PDE8A: variants seen among roughly 807,000 people sequenced by gnomAD.
The protein encoded by PDE8A is high affinity cAMP-specific and IBMX-insensitive 3',5'-cyclic phosphodiesterase 8A.
PDE8A carries 59 observed loss-of-function variants against 105.0 expected under a neutral mutation model. The observed-to-expected ratio is 0.56, with a 90% confidence interval of 0.46 to 0.70. The LOEUF is 0.70. Among genes scored for constraint, PDE8A ranks in the 30% least tolerant of loss-of-function variants. The probability of loss-of-function intolerance (pLI) is 0.00; values close to 1 mark genes in which losing one functional copy is unlikely to be tolerated. For missense variants in PDE8A, 1,014 were observed against 1,045.9 expected (o/e 0.97, Z 0.42); for synonymous variants, 355 against 371.9 (o/e 0.95, Z 0.52).
intron 13 of PDE8A, 55 bp from the exon 14 acceptor site, chr15:85,113,818 C>A: frequency 1.5e-6 from 2 of 1,369,720 alleles, no homozygotes; most frequent in Non-Finnish European, 2.1e-6. Context: ...CCATGCCTGG[C>A]TCTCCCACTG....
At chr15:85,060,006 C>A (rs979967185) in intron 1 of PDE8A, among the ~76,000 whole-genome samples, 1 of 152,060 alleles carries the variant, frequency 6.6e-6, no homozygotes, top group South Asian at 2.1e-4. Flanking sequence ...GGACCCTGTC[C>A]CTAAAAATAA....
At chr15:84,990,378 C>T (rs1422297045) in intron 1 of PDE8A, among the ~76,000 whole-genome samples, 1 of 152,246 alleles carries the variant, frequency 6.6e-6, no homozygotes, top group Non-Finnish European at 1.5e-5. Context: ...TTCTATTGTG[C>T]TCCCTTTCCA....
rs978719635 is a variant in PDE8A at position 85,085,911 on chromosome 15, C to G, written c.635+2267C>G. Among the ~76,000 whole-genome samples, 10 of 148,948 alleles carry G rather than the reference C, an allele frequency of 6.7e-5. No individual in the cohort carries two copies. The East Asian group carries it at 2.0e-3, about 30-fold the overall frequency. On this transcript the variant is annotated intron_variant, in intron 6 of 21. Transcript: ENST00000394553. ...CCTGTCATCCCAGCTACTTGGGAGG[C>G]TGAGGCAGGATAATCACTGGAACCC...
intron 7 of PDE8A, 60 bp downstream of exon 7, chr15:85,089,476 G>GGATT: frequency 1.1e-6 from 1 of 883,420 alleles, no homozygotes; most frequent in Non-Finnish European, 1.8e-6. Flanking sequence ...CCAACTTTTA[G>GGATT]GATTGAACCT....
At chr15:85,089,562 C>A (rs957975622) in intron 7 of PDE8A, 146 bp downstream of exon 7, 4 of 533,150 alleles carry the variant, frequency 7.5e-6, no homozygotes, top group Non-Finnish European at 1.3e-5. Context: ...AGAACAAAAT[C>A]AAATATGTAA....
chr15:85,074,437 C>T (rs1375526757), intron 3 of PDE8A, among the ~76,000 whole-genome samples: 2 of 152,240 alleles, frequency 1.3e-5, no homozygotes, highest in African/African-American at 4.8e-5. Flanking sequence ...TGTGCTGGCT[C>T]ACGCCTGTAA....
Position 85,113,463 on chromosome 15 carries a change from G to A in PDE8A, c.1185+16G>A. ...CATCACCAAGGTGAAGCAGTTTGTG[G>A]TCTGTCTCCATTGAGCACACATACT... On this transcript the variant is annotated intron_variant, in intron 13 of 21. Coordinates refer to ENST00000394553, the MANE Select transcript of PDE8A (RefSeq NM_002605.3). 1 of 1,605,506 alleles carries A rather than the reference G, an allele frequency of 6.2e-7. No homozygotes were observed. The highest frequency in any genetic ancestry group is 8.5e-7 in the Non-Finnish European group (1 of 1,172,072).
chr15:85,119,478 A>AAAAAAAAAAAAAAAAAAAAC (rs2082147466), intron 17 of PDE8A, among the ~76,000 whole-genome samples: 1 of 150,542 alleles, frequency 6.6e-6, no homozygotes, highest in Non-Finnish European at 1.5e-5. Flanking sequence ...CAAAAAAAAA[A>AAAAAAAAAAAAAAAAAAAAC]AAACATTTAT....
At chr15:84,993,497 T>G (rs570061981) in intron 1 of PDE8A, among the ~76,000 whole-genome samples, 2 of 148,876 alleles carry the variant, frequency 1.3e-5, no homozygotes, top group South Asian at 4.3e-4. Flanking sequence ...TACAATCACT[T>G]AAATTGCACA....
At chr15:85,084,704 C>A (rs750395461) in intron 6 of PDE8A, among the ~76,000 whole-genome samples, 3 of 152,210 alleles carry the variant, frequency 2.0e-5, no homozygotes, top group Non-Finnish European at 4.4e-5. Flanking sequence ...ATCTTGTAAG[C>A]AGCAAATGGC....
chr15:85,116,207 A>G lies in PDE8A; in HGVS notation c.1535+88A>G, dbSNP rs75320670. ...ACCTGAGGAGTATGGATTGTGCACA[A>G]GCCTGGTACCTGGTCAGGGTGGGGC... On this transcript the variant is annotated intron_variant, in intron 16 of 21. Transcript: ENST00000394553. The G allele has an allele frequency of 4.8e-3, 6,718 of 1,391,784 alleles. 259 individuals carry two copies. In the African/African-American group the frequency reaches 0.083, roughly 17 times the overall value. The allele number at this position is 1,391,784 out of a possible 1,614,324, so 86.2% of individuals were successfully genotyped here. A position where few individuals can be genotyped will look rare whatever the true frequency, so the allele number is the denominator to read the frequency against.
chr15:85,087,060 A>G, intron 6 of PDE8A, among the ~76,000 whole-genome samples: 1 of 144,430 alleles, frequency 6.9e-6, no homozygotes, highest in Admixed American at 6.9e-5. Flanking sequence ...TTTTTTTTTA[A>G]TAACAACTTT....
chr15:85,092,487 C>T (rs1567279169), intron 8 of PDE8A, among the ~76,000 whole-genome samples: 1 of 152,024 alleles, frequency 6.6e-6, no homozygotes, highest in Admixed American at 6.5e-5. Flanking sequence ...AGAGCATACT[C>T]AGAAGGAGGC....
intron 1 of PDE8A, among the ~76,000 whole-genome samples, chr15:85,055,286 G>C (rs1462228542): frequency 6.6e-6 from 1 of 152,296 alleles, no homozygotes; most frequent in East Asian, 1.9e-4. Context: ...TGTATATTTT[G>C]TTGATTTGGG....
At chr15:85,054,615 A>G (rs973990959) in intron 1 of PDE8A, among the ~76,000 whole-genome samples, 9 of 152,208 alleles carry the variant, frequency 5.9e-5, no homozygotes, top group African/African-American at 1.4e-4. Flanking sequence ...AGGTGTTTAT[A>G]GTATTCTCTG....
At chr15:85,018,772 A>G (rs1327704816) in intron 1 of PDE8A, among the ~76,000 whole-genome samples, 1 of 152,202 alleles carries the variant, frequency 6.6e-6, no homozygotes, top group East Asian at 1.9e-4. Flanking sequence ...ACAAATAGCA[A>G]GTTGTTATAT....
At chr15:85,035,055 A>G (rs1188909475) in intron 1 of PDE8A, among the ~76,000 whole-genome samples, 1 of 152,108 alleles carries the variant, frequency 6.6e-6, no homozygotes, top group Non-Finnish European at 1.5e-5. Flanking sequence ...ATAAATATAA[A>G]TGGGAGTTGG....
chr15:85,042,555 C>G (rs953333698), intron 1 of PDE8A, among the ~76,000 whole-genome samples: 4 of 152,286 alleles, frequency 2.6e-5, no homozygotes, highest in Admixed American at 6.5e-5. Context: ...ACAATTTACT[C>G]TTTGTTGCAG....
At chr15:85,097,324 A>G (rs2081772424) in intron 8 of PDE8A, among the ~76,000 whole-genome samples, 1 of 152,132 alleles carries the variant, frequency 6.6e-6, no homozygotes, top group Non-Finnish European at 1.5e-5. Flanking sequence ...CCCAGGCTGC[A>G]CTTCCTGTCT....
Sources: gnomAD v4.1 joint callset for allele counts (sites outside exome capture counted in the v4.1 genomes callset) on GRCh38, gnomAD v4.1.1 for gene constraint, MANE v1.5 for transcripts, NCBI Gene and HGNC (gene_info 2026-07-23, HGNC 2026-07-21) for gene names.